The following CPED1 variants were observed in gnomAD, a reference collection of about 807,000 sequenced individuals.
CPED1 encodes cadherin like and PC-esterase domain containing 1.
Under a neutral mutation model 128.2 loss-of-function variants are expected in CPED1, and 114 were observed. The observed-to-expected ratio is 0.89, with a 90% CI of 0.76 to 1.04. The LOEUF is 1.04. Ranked by LOEUF, CPED1 falls within the 50% of genes least tolerant of loss-of-function variation. The pLI is 0.00. For missense variants in CPED1, 1,211 were observed against 1,207.1 expected (o/e 1.00, Z -0.05); for synonymous variants, 462 against 426.7 (o/e 1.08, Z -1.02).
At chr7:121,098,630 G>A (rs549693859) in intron 6 of CPED1, among the ~76,000 whole-genome samples, 1 of 151,086 alleles carries the variant, frequency 6.6e-6, no homozygotes, top group Non-Finnish European at 1.5e-5. Flanking sequence ...TACTCAAGAG[G>A]CTGAGGCAGG....
chr7:121,067,369 T>G lies in CPED1; in HGVS notation c.616+3056T>G, dbSNP rs189874194. Among the ~76,000 whole-genome samples the G allele has an allele frequency of 2.3e-3, 350 of 151,982 alleles. 3 individuals are homozygous for G. Among genetic ancestry groups the G allele is most frequent in the African/African-American group, 7.7e-3 (321 of 41,440 alleles). On this transcript the variant is annotated intron_variant, in intron 5 of 22. Coordinates refer to ENST00000310396, the MANE Select transcript of CPED1 (RefSeq NM_024913.5). ...TATGAGTGAGAACATGTGGTGTTTGTTTTTTTGTCCTTGCGATAGTTTGCT... is the reference window on the plus strand; with the variant it reads ...TATGAGTGAGAACATGTGGTGTTTGGTTTTTTGTCCTTGCGATAGTTTGCT...
intron 16 of CPED1, among the ~76,000 whole-genome samples, chr7:121,224,711 T>C (rs1797959975): frequency 6.6e-6 from 1 of 152,060 alleles, no homozygotes. Context: ...TACCATTATG[T>C]AACGGCCTTG....
chr7:121,028,139 T>C (rs1792642149), intron 3 of CPED1, among the ~76,000 whole-genome samples: 1 of 152,144 alleles, frequency 6.6e-6, no homozygotes, highest in South Asian at 2.1e-4. Flanking sequence ...GCTTGTTAAG[T>C]TGCAGACTGC....
intron 16 of CPED1, among the ~76,000 whole-genome samples, chr7:121,146,022 C>A (rs2116383887): frequency 6.6e-6 from 1 of 152,042 alleles, no homozygotes; most frequent in Admixed American, 6.5e-5. Context: ...CTAATGAACC[C>A]CATTATTAAA....
chr7:121,114,091 A>C (rs1232255549), intron 7 of CPED1, among the ~76,000 whole-genome samples: 1 of 152,080 alleles, frequency 6.6e-6, no homozygotes, highest in Non-Finnish European at 1.5e-5. Context: ...CAGCCTCCCA[A>C]AGTGCTGGGA....
chr7:121,032,122 A>G (rs1001016583), intron 3 of CPED1, among the ~76,000 whole-genome samples: 1 of 152,192 alleles, frequency 6.6e-6, no homozygotes, highest in South Asian at 2.1e-4. Context: ...TAAGCCAACA[A>G]TCTTATTCTT....
At chr7:121,071,780 T>C (rs1405103254) in intron 5 of CPED1, among the ~76,000 whole-genome samples, 2 of 152,128 alleles carry the variant, frequency 1.3e-5, no homozygotes, top group South Asian at 4.2e-4. Context: ...TCTGTAAAGA[T>C]GGGCCTTTAA....
At position 121,070,302 on chromosome 7, in the gene CPED1, A is replaced by G. The variant is rs547058864; in HGVS notation, c.616+5989A>G. On this transcript the variant is annotated intron_variant, in intron 5 of 22. Coordinates refer to ENST00000310396, the MANE Select transcript of CPED1 (RefSeq NM_024913.5). The stretch of plus-strand genomic sequence containing the variant: ...TATCCCAGGTCTAATATTCTAAGCA[A>G]ACTTTCAGAGAAGGTTAAAGTTTGC... Among the ~76,000 whole-genome samples the G allele has an allele frequency of 5.3e-4, 80 of 151,984 alleles. 1 individual carries two copies. In the South Asian group the frequency reaches 0.016, roughly 30 times the overall value.
At chr7:121,111,939 C>A (rs760915376) in intron 7 of CPED1, among the ~76,000 whole-genome samples, 2 of 152,186 alleles carry the variant, frequency 1.3e-5, no homozygotes, top group African/African-American at 4.8e-5. Flanking sequence ...TGGACCAGCT[C>A]TGCTCATCTC....
At chr7:121,204,534 A>T (rs1200186008) in intron 16 of CPED1, among the ~76,000 whole-genome samples, 1 of 152,110 alleles carries the variant, frequency 6.6e-6, no homozygotes, top group Admixed American at 6.5e-5. Context: ...CCAAATCTGA[A>T]TTGATCTCCA....
At chr7:121,061,557 G>A (rs995604346) in intron 4 of CPED1, among the ~76,000 whole-genome samples, 2 of 152,286 alleles carry the variant, frequency 1.3e-5, no homozygotes, top group African/African-American at 4.8e-5. Context: ...GTGTGTTGGG[G>A]CAGGGAGTAT....
intron 3 of CPED1, among the ~76,000 whole-genome samples, chr7:121,029,521 G>A (rs943322802): frequency 1.3e-5 from 2 of 152,138 alleles, no homozygotes; most frequent in African/African-American, 4.8e-5. Context: ...GGAATGGCAG[G>A]CACGTTCCAC....
chr7:121,127,857 T>A (rs1186957622), intron 10 of CPED1, among the ~76,000 whole-genome samples: 1 of 152,128 alleles, frequency 6.6e-6, no homozygotes, highest in Non-Finnish European at 1.5e-5. Flanking sequence ...TGCTACAGAA[T>A]ACTTTTTTAT....
chr7:120,996,698 C>T (rs1796412139), intron 2 of CPED1, among the ~76,000 whole-genome samples: 1 of 152,140 alleles, frequency 6.6e-6, no homozygotes, highest in Non-Finnish European at 1.5e-5. Context: ...GTGGAATTTT[C>T]TCTAGTCCTC....
At chr7:121,171,370 A>C (rs1336525714) in intron 16 of CPED1, among the ~76,000 whole-genome samples, 1 of 152,222 alleles carries the variant, frequency 6.6e-6, no homozygotes, top group East Asian at 1.9e-4. Context: ...CTAGAGTTAG[A>C]GGAATCCATA....
chr7:121,119,290 C>CAA (rs1795327914), intron 7 of CPED1, among the ~76,000 whole-genome samples: 2 of 149,040 alleles, frequency 1.3e-5, no homozygotes, highest in East Asian at 2.0e-4. Flanking sequence ...AGGGCAGTGG[C>CAA]AAAATCTTGA....
chr7:121,252,841 G>A (rs1057299792), intron 18 of CPED1, among the ~76,000 whole-genome samples: 1 of 152,118 alleles, frequency 6.6e-6, no homozygotes, highest in African/African-American at 2.4e-5. Context: ...TGGAGAAATA[G>A]GAACACTTTT....
intron 18 of CPED1, among the ~76,000 whole-genome samples, chr7:121,248,249 C>T (rs530617046): frequency 6.6e-6 from 1 of 152,306 alleles, no homozygotes; most frequent in East Asian, 1.9e-4. Context: ...CAGGAGCAAG[C>T]CATGCCTCCC....
intron 16 of CPED1, among the ~76,000 whole-genome samples, chr7:121,161,525 A>G (rs1796411988): frequency 6.6e-6 from 1 of 152,106 alleles, no homozygotes; most frequent in African/African-American, 2.4e-5. Flanking sequence ...AGGTCAACTG[A>G]TTTGGGAATT....
Sources: allele counts gnomAD v4.1 joint callset (sites outside exome capture counted in the v4.1 genomes callset), GRCh38; gene constraint gnomAD v4.1.1; transcripts MANE v1.5; gene names NCBI Gene and HGNC (gene_info 2026-07-23, HGNC 2026-07-21).